DGAT2: variants seen among roughly 807,000 people sequenced by gnomAD.
DGAT2 encodes acyl-CoA retinol O-fatty-acyltransferase.
In DGAT2, 33 loss-of-function variants were observed where a neutral mutation model predicts 48.4. That is an observed-to-expected ratio of 0.68 (90% CI 0.52 to 0.91). DGAT2 has a LOEUF of 0.91. Ranked by LOEUF, DGAT2 falls within the 40% of genes least tolerant of loss-of-function variation. DGAT2 has a pLI of 0.00. For missense variants in DGAT2, 446 were observed against 493.7 expected, an observed-to-expected ratio of 0.90 and a Z score of 0.92; for synonymous variants, 191 against 194.1, an observed-to-expected ratio of 0.98 and a Z score of 0.13.
intron 2 of DGAT2, 32 bp from the exon 3 acceptor site, chr11:75,790,156 T>C (rs377667282): frequency 1.3e-6 from 2 of 1,511,414 alleles, no homozygotes; most frequent in Non-Finnish European, 1.8e-6. Flanking sequence ...TGAAGCCCAG[T>C]AGGACCTGAC....
chr11:75,794,331 T>G (rs992738533), intron 4 of DGAT2: 4 of 152,210 alleles, frequency 2.6e-5, no homozygotes, highest in Non-Finnish European at 5.9e-5. Context: ...GCTCTTGACA[T>G]TCTGCTGGTG....
chr11:75,781,215 T>C (rs572976919), intron 1 of DGAT2, among the ~76,000 whole-genome samples: 5 of 152,346 alleles, frequency 3.3e-5, no homozygotes, highest in Admixed American at 2.6e-4. Context: ...CCTTAGTGTT[T>C]ATCATCCCAG....
At chr11:75,800,230 A>G in intron 7 of DGAT2, 124 bp from the exon 8 acceptor site, 1 of 1,207,644 alleles carries the variant, frequency 8.3e-7, no homozygotes, top group Non-Finnish European at 1.1e-6. Flanking sequence ...GCAGCACATA[A>G]AGCATTTGGC....
intron 2 of DGAT2, among the ~76,000 whole-genome samples, chr11:75,789,152 T>TC (rs973512363): frequency 8.5e-5 from 13 of 152,132 alleles, no homozygotes; most frequent in Admixed American, 7.9e-4. Context: ...GTTAGGGTTT[T>TC]TTTTTTTTTA....
chr11:75,800,009 G>A (rs1042222070), intron 7 of DGAT2, among the ~76,000 whole-genome samples: 1 of 152,130 alleles, frequency 6.6e-6, no homozygotes, highest in African/African-American at 2.4e-5. Flanking sequence ...GAAACTGAGG[G>A]TCAGAGAGGC....
chr11:75,778,944 C>T (rs1334284339), intron 1 of DGAT2, among the ~76,000 whole-genome samples: 4 of 152,212 alleles, frequency 2.6e-5, no homozygotes, highest in East Asian at 3.9e-4. Flanking sequence ...GTGACTTGCC[C>T]GAGGTCACAG....
At position 75,797,112 on chromosome 11, in the gene DGAT2, T is replaced by C. The variant is rs41298125; in HGVS notation, c.635-46T>C. 2.3e-3 allele frequency: 3,332 copies of C among 1,427,006 alleles called. 8 individuals carry two copies. Among genetic ancestry groups the C allele is most frequent in the Non-Finnish European group, 2.8e-3 (3,055 of 1,082,058 alleles). The allele number at this position is 1,427,006 out of a possible 1,614,324, so 88.4% of individuals were successfully genotyped here. ...CTGACTGTGTGCCGGGGATGGGGAG[T>C]GGATCCATGGGCAACCCTGACTGTT... On this transcript the variant is annotated intron_variant, in intron 5 of 7. Coordinates refer to ENST00000228027, the MANE Select transcript of DGAT2 (RefSeq NM_032564.5).
chr11:75,776,639 T>G (rs1033267597), intron 1 of DGAT2: 4 of 152,226 alleles, frequency 2.6e-5, no homozygotes, highest in Non-Finnish European at 5.9e-5. Context: ...GCTGAGCACA[T>G]GGTGAGGCAC....
chr11:75,791,399 C>T (rs1383044476), intron 4 of DGAT2, among the ~76,000 whole-genome samples: 2 of 152,208 alleles, frequency 1.3e-5, no homozygotes, highest in Non-Finnish European at 2.9e-5. Context: ...GACCTTCCTG[C>T]TCCTCAGGGT....
chr11:75,798,336 A>G lies in DGAT2; in HGVS notation c.919A>G (p.Ile307Val), dbSNP rs1945077964. 1.2e-6 allele frequency: 2 copies of G among 1,614,014 alleles called. No individual in the cohort carries two copies. Among genetic ancestry groups the G allele is most frequent in the African/African-American group, 1.3e-5 (1 of 74,910 alleles). Reference sequence around the variant, plus strand: ...GGTCCAGAAGAAGTTCCAGAAATACATTGGTTTCGCCCCATGCATCTTCCA... The same window carrying G: ...GGTCCAGAAGAAGTTCCAGAAATACGTTGGTTTCGCCCCATGCATCTTCCA... ...RWVQKKFQKY[I>V]GFAPCIFHGR... The change falls in exon 7 of 8, where the codon ATT (isoleucine) becomes GTT (valine). Residue 307 changes from isoleucine (I) to valine (V), a missense_variant. Physicochemically the swap from Ile to Val is conservative, Grantham distance 29. Coordinates refer to ENST00000228027, the MANE Select transcript of DGAT2 (RefSeq NM_032564.5).
At chr11:75,776,021 T>A (rs1944800180) in intron 1 of DGAT2, 1 of 152,158 alleles carries the variant, frequency 6.6e-6, no homozygotes, top group Admixed American at 6.5e-5. Flanking sequence ...AAAGGGTACT[T>A]AGAAAGCACT....
chr11:75,800,626 C>G lies in DGAT2; in HGVS notation c.*118C>G, dbSNP rs1183676198. 32 of 1,275,458 alleles carry G rather than the reference C, an allele frequency of 2.5e-5. No individual in the cohort carries two copies. Among genetic ancestry groups the G allele is most frequent in the Non-Finnish European group, 3.4e-5 (32 of 942,958 alleles). The allele number at this position is 1,275,458 out of a possible 1,614,324, so 79.0% of individuals were successfully genotyped here. ...TTTAAAAGAAATTATAACAATTTTGCTAAACCATTACAATGTTAGGTCTTT... is the reference window on the plus strand; with the variant it reads ...TTTAAAAGAAATTATAACAATTTTGGTAAACCATTACAATGTTAGGTCTTT... On this transcript the variant is annotated 3_prime_UTR_variant, in exon 8 of 8. Transcript: ENST00000228027.
intron 1 of DGAT2, among the ~76,000 whole-genome samples, chr11:75,782,073 A>C (rs554114312): frequency 6.6e-6 from 1 of 152,168 alleles, no homozygotes; most frequent in African/African-American, 2.4e-5. Context: ...CCTCTTCCCT[A>C]CGCACCCCTC....
intron 2 of DGAT2, among the ~76,000 whole-genome samples, chr11:75,787,195 A>G (rs12222995): frequency 0.11 from 16,479 of 152,254 alleles, 959 homozygotes; most frequent in East Asian, 0.23. Flanking sequence ...CCACATTTCC[A>G]TAAGAGATAA....
intron 1 of DGAT2, chr11:75,775,762 C>G (rs1944798029): frequency 6.6e-6 from 1 of 152,322 alleles, no homozygotes; most frequent in South Asian, 2.1e-4. Context: ...TTTGCAATGC[C>G]TTCTGGGATC....
At chr11:75,793,902 C>G (rs912330043) in intron 4 of DGAT2, 3 of 145,096 alleles carry the variant, frequency 2.1e-5, no homozygotes, top group African/African-American at 8.5e-5. Flanking sequence ...TTAGGCAAAA[C>G]ATTGGAACAG....
intron 1 of DGAT2, among the ~76,000 whole-genome samples, chr11:75,782,042 G>C (rs1242355289): frequency 6.6e-6 from 1 of 152,136 alleles, no homozygotes; most frequent in Non-Finnish European, 1.5e-5. Context: ...TAGGGAGCTA[G>C]ATAAGTTGAC....
At chr11:75,779,997 T>C (rs1239361550) in intron 1 of DGAT2, among the ~76,000 whole-genome samples, 2 of 152,194 alleles carry the variant, frequency 1.3e-5, no homozygotes, top group Admixed American at 6.5e-5. Flanking sequence ...CACAGATGAA[T>C]CAGGTACCAA....
At position 75,798,209 on chromosome 11, in the gene DGAT2, C is replaced by G; in HGVS notation, c.810-18C>G. 1 of 1,613,836 alleles carries G rather than the reference C, an allele frequency of 6.2e-7. No homozygotes were observed. The highest frequency in any genetic ancestry group is 8.5e-7 in the Non-Finnish European group (1 of 1,179,770). ...GCCAGTAAGTAGGGTATGACAGACC[C>G]TGGCCTCTCCCTTCCAGAGCTGACC... On this transcript the variant is annotated intron_variant, in intron 6 of 7. Coordinates refer to ENST00000228027, the MANE Select transcript of DGAT2 (RefSeq NM_032564.5).
Sources: gnomAD v4.1 joint callset for allele counts (sites outside exome capture counted in the v4.1 genomes callset) on GRCh38, gnomAD v4.1.1 for gene constraint, MANE v1.5 for transcripts, NCBI Gene and HGNC (gene_info 2026-07-23, HGNC 2026-07-21) for gene names.